PLCH2: variants seen among roughly 807,000 people sequenced by gnomAD.
The protein encoded by PLCH2 is phospholipase C eta 2.
A neutral mutation model predicts 134.7 loss-of-function variants in PLCH2; 98 were observed. The ratio of observed to expected loss-of-function variants is 0.73; its 90% CI spans 0.62 to 0.86. The LOEUF (loss-of-function observed/expected upper bound fraction) is 0.86, where lower values mean the gene tolerates loss of function less well. Ranked by LOEUF, PLCH2 falls within the 40% of genes least tolerant of loss-of-function variation. PLCH2 has a pLI of 0.00. For synonymous variants in PLCH2, 974 were observed against 827.5 expected (o/e 1.18, Z -3.04); for missense variants, 1,994 against 1,986.6 (o/e 1.00, Z -0.07).
intron 20 of PLCH2, chr1:2,501,669 G>A (rs1265984961): frequency 1.2e-5 from 2 of 169,282 alleles, no homozygotes; most frequent in Admixed American, 6.4e-5. Context: ...CTGCCTGAGG[G>A]TGGGGCACAC....
upstream of PLCH2, among the ~76,000 whole-genome samples, chr1:2,425,268 TATAC>T (rs1179059224): frequency 0.029 from 4,294 of 150,444 alleles, 179 homozygotes; most frequent in African/African-American, 0.099. Context: ...CATACACACA[TATAC>T]ACACACATAT....
intron 4 of PLCH2, among the ~76,000 whole-genome samples, chr1:2,480,745 G>A (rs988311197): frequency 1.3e-5 from 2 of 152,210 alleles, no homozygotes; most frequent in Non-Finnish European, 2.9e-5. Flanking sequence ...TCCCCATGCC[G>A]CCCTCGCCCA....
intron 4 of PLCH2, among the ~76,000 whole-genome samples, chr1:2,483,088 C>A (rs916344418): frequency 6.6e-6 from 1 of 152,194 alleles, no homozygotes; most frequent in African/African-American, 2.4e-5. Flanking sequence ...AATCACGAAG[C>A]CTCTAGACTA....
intron 10 of PLCH2, 26 bp downstream of exon 10, chr1:2,489,893 G>A: frequency 1.3e-6 from 2 of 1,494,616 alleles, no homozygotes; most frequent in Non-Finnish European, 1.9e-6. Flanking sequence ...GGTGGAGGGG[G>A]GCGCGTGGAG....
intron 2 of PLCH2, among the ~76,000 whole-genome samples, chr1:2,441,390 G>A (rs1456322705): frequency 1.3e-5 from 2 of 152,236 alleles, no homozygotes; most frequent in Non-Finnish European, 2.9e-5. Context: ...CTGAGCGTGG[G>A]GGCATGGGGG....
upstream of PLCH2, among the ~76,000 whole-genome samples, chr1:2,475,229 C>T (rs984036506): frequency 2.0e-5 from 3 of 152,200 alleles, no homozygotes; most frequent in Non-Finnish European, 4.4e-5. Flanking sequence ...AGCCCTGGCA[C>T]CTCCCTGTCC....
chr1:2,456,057 C>T (rs1049571671), intron 2 of PLCH2, among the ~76,000 whole-genome samples: 3 of 152,226 alleles, frequency 2.0e-5, no homozygotes, highest in Admixed American at 6.5e-5. Flanking sequence ...TATTAGATTC[C>T]GTGTTTGTAA....
chr1:2,459,491 GGTGGTCCTCCTTC>G (rs1640684899), intron 2 of PLCH2, among the ~76,000 whole-genome samples: 1 of 69,412 alleles, frequency 1.4e-5, no homozygotes, highest in Non-Finnish European at 3.2e-5. Flanking sequence ...CCTCCTTCCT[GGTGGTCCTCCTTC>G]CTGGTGGTCC....
Position 2,448,449 on chromosome 1 carries a change from G to A in PLCH2, c.115+17820G>A, listed in dbSNP as rs760619485. Among the ~76,000 whole-genome samples, 11 of 152,124 alleles carry A rather than the reference G, an allele frequency of 7.2e-5. No individual in the cohort carries two copies. Among genetic ancestry groups the A allele is most frequent in the South Asian group, 2.1e-4 (1 of 4,822 alleles). On this transcript the variant is annotated intron_variant, in intron 2 of 3. Coordinates refer to the PLCH2 transcript ENST00000609981. This position sits in a 1 kb window ranked among gnomAD's most constrained non-coding sequence, Gnocchi z 4.0. ...TTCTCTCCGTCTTCTCTTGCGCCTC[G>A]AGTCTCCTTTGTCCTGTAGGATCTG...
intron 2 of PLCH2, among the ~76,000 whole-genome samples, chr1:2,449,499 AAACCAACCAACCAACCAACC>A (rs34463698): frequency 1.3e-5 from 2 of 150,368 alleles, no homozygotes; most frequent in South Asian, 2.1e-4. Context: ...TGTCTCAACA[AAACCAACCAACCAACCAACC>A]AACCAACCAA....
rs1375655083 is a variant in PLCH2, at chr1:2,505,500, TACA to T, written c.*291_*293del. On this transcript the variant is annotated 3_prime_UTR_variant, in exon 22 of 22. Transcript: ENST00000378486. ...TTTAAATTTTTAGAAGCAAAACTTA[TACA>T]ACATTAAAATGATACCAAGTCCCTT... 1.0e-5 allele frequency: 5 copies of T among 480,276 alleles called. No individual in the cohort carries two copies. The highest frequency in any genetic ancestry group is 8.5e-5 in the South Asian group (3 of 35,280). The allele number at this position is 480,276 out of a possible 1,614,324, so 29.8% of individuals were successfully genotyped here.
chr1:2,495,616 C>T (rs948505068), intron 13 of PLCH2, 46 bp downstream of exon 13: 6 of 1,399,290 alleles, frequency 4.3e-6, no homozygotes, highest in South Asian at 4.1e-5. Flanking sequence ...TCCTGGGAGC[C>T]TGGCCCAACC....
At chr1:2,492,434 T>C (rs1357720100) in intron 11 of PLCH2, 1 of 152,210 alleles carries the variant, frequency 6.6e-6, no homozygotes, top group Non-Finnish European at 1.5e-5. Flanking sequence ...TGGAGATGCA[T>C]CTGCGGGTCC....
chr1:2,447,960 G>A (rs796286673), intron 2 of PLCH2, among the ~76,000 whole-genome samples: 4 of 152,190 alleles, frequency 2.6e-5, no homozygotes, highest in South Asian at 2.1e-4. Flanking sequence ...CCTCCCCTGC[G>A]GTACCAGGAG....
chr1:2,478,362 C>G, intron 1 of PLCH2, 114 bp from the exon 2 acceptor site: 3 of 1,322,406 alleles, frequency 2.3e-6, no homozygotes, highest in Non-Finnish European at 2.1e-6. Context: ...GCCGTGCCTC[C>G]GCTGACGGCC....
the PLCH2 span, among the ~76,000 whole-genome samples, chr1:2,420,958 T>G: frequency 2.0e-5 from 3 of 151,566 alleles, no homozygotes; most frequent in Non-Finnish European, 4.4e-5. Context: ...TTCACACTTT[T>G]TTTTTTTTTT....
At chr1:2,456,903 C>A (rs1640524905) in intron 2 of PLCH2, among the ~76,000 whole-genome samples, 1 of 152,170 alleles carries the variant, frequency 6.6e-6, no homozygotes, top group Non-Finnish European at 1.5e-5. Context: ...TGGGAAGGGA[C>A]CCCAGGTTCA....
intron 2 of PLCH2, among the ~76,000 whole-genome samples, chr1:2,433,859 A>G (rs1639188329): frequency 6.6e-6 from 1 of 151,908 alleles, no homozygotes; most frequent in Non-Finnish European, 1.5e-5. Context: ...GACTCCCTCC[A>G]CGGATGTGCC....
chr1:2,461,460 C>T (rs544522647), intron 2 of PLCH2, among the ~76,000 whole-genome samples: 14 of 152,308 alleles, frequency 9.2e-5, no homozygotes, highest in African/African-American at 2.9e-4. Flanking sequence ...GGGACCTGGC[C>T]CCTGGGCACT....
Sources: gnomAD v4.1 joint callset for allele counts (sites outside exome capture counted in the v4.1 genomes callset) on GRCh38, gnomAD v4.1.1 for gene constraint, Gnocchi (gnomAD v3.1) non-coding constraint, MANE v1.5 for transcripts, NCBI Gene and HGNC (gene_info 2026-07-23, HGNC 2026-07-21) for gene names.